Variants in KLHL15 observed in about 807,000 individuals in gnomAD.
KLHL15 encodes kelch-like protein 15.
Under a neutral mutation model 29.3 loss-of-function variants are expected in KLHL15, and 1 was observed. That is an observed-to-expected ratio of 0.03 (90% CI 0.01 to 0.16). The LOEUF is 0.16. Among genes scored for constraint, KLHL15 ranks in the 10% least tolerant of loss-of-function variants. The probability of loss-of-function intolerance (pLI) is 1.00; values close to 1 mark genes in which losing one functional copy is unlikely to be tolerated. For missense variants in KLHL15, 215 were observed against 478.5 expected (o/e 0.45, Z 5.14); for synonymous variants, 212 against 184.5 (o/e 1.15, Z -1.21).
At chrX:24,009,728 G>A (rs1238848716) in intron 2 of KLHL15, among the ~76,000 whole-genome samples, 2 of 93,433 alleles carry the variant, frequency 2.1e-5, no homozygotes, top group Non-Finnish European at 4.1e-5. Context: ...AGTGGCTCAC[G>A]CCCGTAATTC....
At chrX:24,017,779 CA>C (rs531099917) in intron 2 of KLHL15, among the ~76,000 whole-genome samples, 1,023 of 42,448 alleles carry the variant, frequency 0.024, 10 homozygotes, top group African/African-American at 0.052. Flanking sequence ...GACCATGTCC[CA>C]AAAAAAAAAA....
chrX:23,991,736 G>A (rs1042938858), intron 3 of KLHL15, among the ~76,000 whole-genome samples: 27 of 111,375 alleles, frequency 2.4e-4, no homozygotes, highest in African/African-American at 8.8e-4. Context: ...GCTACTGGGA[G>A]GCTGAGGTAG....
chrX:24,014,903 A>G (rs1177526452), intron 2 of KLHL15, among the ~76,000 whole-genome samples: 1 of 112,250 alleles, frequency 8.9e-6, no homozygotes, highest in African/African-American at 3.2e-5. Context: ...GAACTGGAAC[A>G]TGTCAAAGAG....
At chrX:24,023,787 T>C (rs1317269295) in intron 2 of KLHL15, among the ~76,000 whole-genome samples, 1 of 112,266 alleles carries the variant, frequency 8.9e-6, no homozygotes, top group Non-Finnish European at 1.9e-5. Context: ...AGAATAAAAT[T>C]ATATAATTAC....
At chrX:24,002,149 A>G (rs1460883454) in intron 3 of KLHL15, among the ~76,000 whole-genome samples, 1 of 110,553 alleles carries the variant, frequency 9.0e-6, no homozygotes, top group Non-Finnish European at 1.9e-5. Flanking sequence ...AAATGAATAA[A>G]TAAATAAATA....
At chrX:24,000,870 C>G (rs1386872878) in intron 3 of KLHL15, among the ~76,000 whole-genome samples, 1 of 112,543 alleles carries the variant, frequency 8.9e-6, no homozygotes, top group Non-Finnish European at 1.9e-5. Context: ...CTCAATTAAC[C>G]AGAACAGCAT....
intron 3 of KLHL15, among the ~76,000 whole-genome samples, chrX:24,002,090 G>A (rs912285344): frequency 1.7e-4 from 19 of 109,979 alleles, no homozygotes; most frequent in African/African-American, 5.3e-4. Context: ...CTGAGATCGC[G>A]CCACTGTACT....
At chrX:23,997,099 G>A (rs1929205966) in intron 3 of KLHL15, among the ~76,000 whole-genome samples, 2 of 109,037 alleles carry the variant, frequency 1.8e-5, no homozygotes, top group South Asian at 8.1e-4. Context: ...CAGAAGTAAA[G>A]TGACCAGGGT....
rs903170349 is a variant in KLHL15 at position 23,987,252 on chromosome X, CAAGT to C, written c.*665_*668del. 12 of 111,692 alleles carry C rather than the reference CAAGT, an allele frequency of 1.1e-4. No individual in the cohort carries two copies. Among genetic ancestry groups the C allele is most frequent in the African/African-American group, 2.9e-4 (9 of 30,831 alleles). The allele number at this position is 111,692 out of a possible 1,213,427, so 9.2% of individuals were successfully genotyped here. On this transcript the variant is annotated 3_prime_UTR_variant, in exon 4 of 4. Transcript: ENST00000328046. ...CAACAAGTATGGCGAACTGTGTGTG[CAAGT>C]AAGTGCACTAGCTTAAAAATATAGA...
At chrX:24,016,637 A>C (rs898732376) in intron 2 of KLHL15, among the ~76,000 whole-genome samples, 2 of 109,141 alleles carry the variant, frequency 1.8e-5, no homozygotes, top group Non-Finnish European at 3.8e-5. Flanking sequence ...ACTGCACTCC[A>C]GCCTGGGCAA....
At chrX:23,999,610 A>G (rs1280537679) in intron 3 of KLHL15, among the ~76,000 whole-genome samples, 3 of 109,776 alleles carry the variant, frequency 2.7e-5, no homozygotes, top group Non-Finnish European at 5.7e-5. Flanking sequence ...AAAAAAAAAA[A>G]AGAGAGAATC....
chrX:24,027,097 A>G (rs1171178809), intron 1 of KLHL15, 43 bp downstream of exon 1: 1 of 112,351 alleles, frequency 8.9e-6, no homozygotes, highest in Non-Finnish European at 1.9e-5. Context: ...ATTTTTGTAC[A>G]TTAACTAACA....
chrX:24,024,274 A>G (rs1278144700), intron 2 of KLHL15, among the ~76,000 whole-genome samples: 1 of 112,297 alleles, frequency 8.9e-6, no homozygotes, highest in African/African-American at 3.2e-5. Context: ...TATTTATAAT[A>G]TAGAAATAAA....
chrX:24,000,763 A>G (rs750441737), intron 3 of KLHL15, among the ~76,000 whole-genome samples: 2 of 112,354 alleles, frequency 1.8e-5, no homozygotes, highest in Admixed American at 9.5e-5. Flanking sequence ...ACATGTTCCA[A>G]TGCCTAAGTG....
At chrX:24,007,504 AAAAAATAT>A (rs1157815831) in intron 2 of KLHL15, among the ~76,000 whole-genome samples, 857 of 54,826 alleles carry the variant, frequency 0.016, 10 homozygotes, top group South Asian at 0.074. Flanking sequence ...AAAAAAAAAA[AAAAAATAT>A]ATATATATAT....
intron 3 of KLHL15, among the ~76,000 whole-genome samples, chrX:23,998,135 G>C (rs773010974): frequency 9.0e-6 from 1 of 110,679 alleles, no homozygotes; most frequent in Non-Finnish European, 1.9e-5. Flanking sequence ...GCTAATTTTT[G>C]TATTTTTAGT....
At chrX:23,999,112 T>TTGGA (rs1929254728) in intron 3 of KLHL15, among the ~76,000 whole-genome samples, 1 of 109,932 alleles carries the variant, frequency 9.1e-6, no homozygotes. Context: ...TTTCACCATG[T>TTGGA]TGGCCAGGCT....
chrX:23,999,942 G>T (rs1023487271), intron 3 of KLHL15, among the ~76,000 whole-genome samples: 1 of 112,051 alleles, frequency 8.9e-6, no homozygotes, highest in Admixed American at 9.5e-5. Flanking sequence ...AAAGGAGTCC[G>T]ATGCAGAAAA....
At chrX:24,022,812 C>A (rs141534882) in intron 2 of KLHL15, among the ~76,000 whole-genome samples, 1 of 107,100 alleles carries the variant, frequency 9.3e-6, no homozygotes, top group Non-Finnish European at 1.9e-5. Context: ...TTCTGCCTAC[C>A]GGGTTCAAGC....
Sources: gnomAD v4.1 joint callset for allele counts (sites outside exome capture counted in the v4.1 genomes callset) on GRCh38, gnomAD v4.1.1 for gene constraint, MANE v1.5 for transcripts, NCBI Gene and HGNC (gene_info 2026-07-23, HGNC 2026-07-21) for gene names.